The following CCDC141 variants were observed in gnomAD, a reference collection of about 807,000 sequenced individuals.
CCDC141 encodes coiled-coil domain containing 141.
A neutral mutation model predicts 181.0 loss-of-function variants in CCDC141; 168 were observed. The ratio of observed to expected loss-of-function variants is 0.93; its 90% confidence interval spans 0.82 to 1.05. The LOEUF (loss-of-function observed/expected upper bound fraction) is 1.05, where lower values mean the gene tolerates loss of function less well. Ranked by LOEUF, CCDC141 falls within the 50% of genes least tolerant of loss-of-function variation. The pLI is 0.00. For synonymous variants in CCDC141, 666 were observed against 642.3 expected (o/e 1.04, Z -0.56); for missense variants, 1,902 against 1,788.5 (o/e 1.06, Z -1.14).
In CCDC141 at chr2:178,856,282, A is replaced by T; in HGVS notation, c.2840T>A (p.Val947Asp). The T allele has an allele frequency of 6.2e-7, 1 of 1,610,956 alleles. No homozygotes were observed. Among genetic ancestry groups the T allele is most frequent in the Non-Finnish European group, 8.5e-7 (1 of 1,178,578 alleles). Residue 947 changes from valine to aspartate, a missense_variant, in exon 18 of 24, where the codon GTT becomes GAT. Physicochemically the swap from Val to Asp is radical, Grantham distance 152. Transcript: ENST00000443758. ...LKALKYQIQQ[V>D]DMYAEKMQAL... ...CTGCATTTTTTCAGCATACATATCA[A>T]CTTGCTGAATTTGATATTTAAGCGC...
intron 11 of CCDC141, among the ~76,000 whole-genome samples, chr2:178,880,399 A>G (rs75472517): frequency 3.9e-5 from 6 of 152,120 alleles, no homozygotes; most frequent in African/African-American, 1.2e-4. Context: ...GGCTGCAAAA[A>G]GAAGGGGAGT....
intron 2 of CCDC141, among the ~76,000 whole-genome samples, chr2:179,026,974 A>G (rs2042863972): frequency 6.6e-6 from 1 of 152,216 alleles, no homozygotes; most frequent in Non-Finnish European, 1.5e-5. Flanking sequence ...CAATGCCTGT[A>G]CCTTCATTGT....
intron 2 of CCDC141, among the ~76,000 whole-genome samples, chr2:179,012,944 T>A (rs1487377385): frequency 6.6e-6 from 1 of 151,908 alleles, no homozygotes; most frequent in Non-Finnish European, 1.5e-5. Flanking sequence ...CTCAGCAAAA[T>A]CAGCATACAA....
chr2:179,027,715 C>T (rs1372271368), intron 2 of CCDC141, among the ~76,000 whole-genome samples: 2 of 146,566 alleles, frequency 1.4e-5, no homozygotes, highest in Middle Eastern at 3.5e-3. Flanking sequence ...CTGTCTGCTG[C>T]CATCCATGTA....
intron 2 of CCDC141, among the ~76,000 whole-genome samples, chr2:179,037,744 A>C (rs1178574286): frequency 6.6e-6 from 1 of 152,258 alleles, no homozygotes; most frequent in African/African-American, 2.4e-5. Context: ...AGCACATGAA[A>C]AGATGCTCAA....
At chr2:178,951,536 G>T (rs1315149085) in intron 5 of CCDC141, among the ~76,000 whole-genome samples, 1 of 152,136 alleles carries the variant, frequency 6.6e-6, no homozygotes, top group Non-Finnish European at 1.5e-5. Context: ...TTGATTGTTT[G>T]TTTAACAGTC....
intron 5 of CCDC141, among the ~76,000 whole-genome samples, chr2:178,950,414 T>C (rs1042333644): frequency 2.0e-5 from 3 of 152,182 alleles, no homozygotes; most frequent in African/African-American, 7.2e-5. Flanking sequence ...GCTCTGGACT[T>C]AACTAGCGAT....
chr2:178,823,142 G>A, the CCDC141 span, among the ~76,000 whole-genome samples: 3 of 151,386 alleles, frequency 2.0e-5, no homozygotes, highest in African/African-American at 7.3e-5. Flanking sequence ...TTTAATTGGT[G>A]TACGTTAATG....
At chr2:178,946,985 G>A (rs1263707343) in intron 5 of CCDC141, among the ~76,000 whole-genome samples, 1 of 152,150 alleles carries the variant, frequency 6.6e-6, no homozygotes, top group Non-Finnish European at 1.5e-5. Flanking sequence ...TCAGAAGTAA[G>A]TAGATCATCA....
intron 17 of CCDC141, among the ~76,000 whole-genome samples, chr2:178,858,986 AT>A (rs1044161211): frequency 9.2e-5 from 14 of 152,234 alleles, no homozygotes; most frequent in Admixed American, 2.6e-4. Flanking sequence ...TTTAAGACTG[AT>A]AAATGATGAG....
In CCDC141 at chr2:178,855,511, T is replaced by G. The variant is rs370961307; in HGVS notation, c.2896A>C (p.Asn966His). Residue 966 changes from asparagine (N) to histidine (H), a missense_variant, in exon 19 of 24, where the codon AAT becomes CAT. Physicochemically the swap from Asn to His is moderately conservative, Grantham distance 68. Coordinates refer to ENST00000443758, the MANE Select transcript of CCDC141 (RefSeq NM_173648.4). The stretch of plus-strand genomic sequence containing the variant: ...TTTAAGAAAGAATCAGAGGTTTTAT[T>G]ACTAACTTTTTCCATTTTCCTTTTC... ...ALKRKMEKVS[N>H]KTSDSFLNYP... The G allele has an allele frequency of 3.8e-5, 60 of 1,592,812 alleles. 1 individual carries two copies. The Admixed American group carries it at 5.3e-4, about 14-fold the overall frequency.
At chr2:179,018,010 G>T (rs2042591097) in intron 2 of CCDC141, among the ~76,000 whole-genome samples, 2 of 152,058 alleles carry the variant, frequency 1.3e-5, no homozygotes, top group Non-Finnish European at 1.5e-5. Flanking sequence ...TCATAAAGCT[G>T]GTTATTTAAA....
intron 2 of CCDC141, among the ~76,000 whole-genome samples, chr2:179,009,319 C>A (rs906257263): frequency 2.6e-5 from 4 of 152,248 alleles, no homozygotes; most frequent in Middle Eastern, 3.4e-3. Context: ...AGTTCTCCCC[C>A]CTGGGGGTTG....
At chr2:178,988,134 C>A (rs1237563872) in intron 2 of CCDC141, among the ~76,000 whole-genome samples, 6 of 152,038 alleles carry the variant, frequency 3.9e-5, no homozygotes, top group African/African-American at 1.4e-4. Context: ...GAATACTATG[C>A]AGCAATAAAA....
At chr2:178,823,343 A>T in the CCDC141 span, among the ~76,000 whole-genome samples, 2 of 152,214 alleles carry the variant, frequency 1.3e-5, no homozygotes, top group African/African-American at 4.8e-5. Context: ...AGGAATTCCC[A>T]GTAAAGCTAA....
chr2:179,018,759 A>G (rs1030885881), intron 2 of CCDC141, among the ~76,000 whole-genome samples: 1 of 152,172 alleles, frequency 6.6e-6, no homozygotes, highest in Non-Finnish European at 1.5e-5. Flanking sequence ...TAAATTCTGT[A>G]GATTACAAAC....
At chr2:178,977,072 C>T (rs1691152643) in intron 3 of CCDC141, among the ~76,000 whole-genome samples, 1 of 152,060 alleles carries the variant, frequency 6.6e-6, no homozygotes, top group African/African-American at 2.4e-5. Flanking sequence ...AGGAGTTTGT[C>T]TTCAGTTTAG....
chr2:178,917,307 A>G (rs1688495968), intron 7 of CCDC141, among the ~76,000 whole-genome samples: 1 of 152,232 alleles, frequency 6.6e-6, no homozygotes, highest in Admixed American at 6.5e-5. Context: ...CTCCAGTAAT[A>G]TGGTATATCT....
chr2:179,049,900 C>A lies in CCDC141; in HGVS notation c.42G>T (p.Thr14=), dbSNP rs796834127. 1.4e-5 allele frequency: 21 copies of A among 1,550,748 alleles called. No homozygotes were observed. The highest frequency in any genetic ancestry group is 1.7e-5 in the Non-Finnish European group (20 of 1,146,976). ...QGSPSVALST[T]TVSSVAVQAG... ...CCTGCACAGCAACTGAACTGACTGT[C>A]GTCGTAGAAAGCGCAACACTAGGAC... is the stretch of plus-strand genomic sequence containing the variant. The change falls in exon 1 of 24, where the codon ACG becomes ACT. Residue 14 remains threonine (T), a synonymous_variant. Coordinates refer to ENST00000443758, the MANE Select transcript of CCDC141 (RefSeq NM_173648.4).
Sources: allele counts gnomAD v4.1 joint callset (sites outside exome capture counted in the v4.1 genomes callset), GRCh38; gene constraint gnomAD v4.1.1; transcripts MANE v1.5; gene names NCBI Gene and HGNC (gene_info 2026-07-23, HGNC 2026-07-21).